Variants in MYT1L observed in about 807,000 individuals in gnomAD.
The protein encoded by MYT1L is myelin transcription factor 1 like, also known as myelin transcription factor 1-like protein.
A neutral mutation model predicts 126.7 loss-of-function variants in MYT1L; 12 were observed. The observed-to-expected ratio is 0.09, with a 90% CI of 0.06 to 0.15. MYT1L has a LOEUF of 0.15. Ranked by LOEUF, MYT1L falls within the 10% of genes least tolerant of loss-of-function variation. The pLI, the probability that MYT1L is intolerant of heterozygous loss-of-function variation, is 1.00. For synonymous variants in MYT1L, 541 were observed against 604.2 expected (o/e 0.90, Z 1.53); for missense variants, 979 against 1,585.2 (o/e 0.62, Z 6.49).
At chr2:2,092,717 C>T (rs1034522977) in intron 3 of MYT1L, among the ~76,000 whole-genome samples, 14 of 152,200 alleles carry the variant, frequency 9.2e-5, no homozygotes, top group African/African-American at 2.9e-4. Context: ...TCATAACACA[C>T]GTATTTTTCT....
chr2:1,802,559 A>G (rs528647755), intron 22 of MYT1L, among the ~76,000 whole-genome samples: 1 of 152,350 alleles, frequency 6.6e-6, no homozygotes, highest in African/African-American at 2.4e-5. Flanking sequence ...TGTGTACCTG[A>G]CCATCTGAGT....
chr2:1,969,452 G>C (rs2059640901), intron 8 of MYT1L, among the ~76,000 whole-genome samples: 1 of 152,208 alleles, frequency 6.6e-6, no homozygotes, highest in South Asian at 2.1e-4. Flanking sequence ...GGCAGCATCA[G>C]AATCAACCCT....
At chr2:2,122,631 T>G (rs2081185141) in intron 3 of MYT1L, among the ~76,000 whole-genome samples, 2 of 152,226 alleles carry the variant, frequency 1.3e-5, no homozygotes, top group Non-Finnish European at 2.9e-5. Flanking sequence ...AGCCATTACT[T>G]GGACATTGTT....
rs868820216 is a variant in MYT1L at position 2,199,872 on chromosome 2, C to T, written c.-420-26884G>A. Among the ~76,000 whole-genome samples the T allele has an allele frequency of 1.8e-4, 27 of 152,268 alleles. No individual in the cohort carries two copies. The East Asian group carries it at 3.7e-3, about 21-fold the overall frequency. ...GTACCCCTCACGGAGGCAGGCAGCA[C>T]GGACACCTCTGGGGAGGAACTTCTG... On this transcript the variant is annotated intron_variant, in intron 2 of 24. Transcript: ENST00000647738.
intron 3 of MYT1L, among the ~76,000 whole-genome samples, chr2:2,122,023 C>T (rs2081088049): frequency 6.6e-6 from 1 of 152,214 alleles, no homozygotes; most frequent in Non-Finnish European, 1.5e-5. Context: ...TCTTCCTACG[C>T]TCTTGTTAAA....
At chr2:2,075,473 G>A (rs1390715136) in intron 3 of MYT1L, among the ~76,000 whole-genome samples, 2 of 152,152 alleles carry the variant, frequency 1.3e-5, no homozygotes, top group African/African-American at 2.4e-5. Flanking sequence ...TAAGATGAAC[G>A]AGAGGTTTTG....
At chr2:2,203,436 G>A (rs943380602) in intron 2 of MYT1L, among the ~76,000 whole-genome samples, 4 of 150,308 alleles carry the variant, frequency 2.7e-5, no homozygotes, top group Non-Finnish European at 5.9e-5. Context: ...AAATCAATGT[G>A]CAAAAATCAC....
chr2:2,164,621 G>C (rs2088695402), intron 3 of MYT1L, among the ~76,000 whole-genome samples: 1 of 152,120 alleles, frequency 6.6e-6, no homozygotes, highest in Admixed American at 6.5e-5. Context: ...ATTGTCAGTT[G>C]ACCAACTATC....
intron 21 of MYT1L, chr2:1,824,746 G>T (rs533357827): frequency 1.3e-5 from 2 of 151,464 alleles, no homozygotes; most frequent in Non-Finnish European, 2.9e-5. Flanking sequence ...AGGAGAGAGA[G>T]GGGGAGGACT....
intron 22 of MYT1L, among the ~76,000 whole-genome samples, chr2:1,807,906 C>G (rs1297768645): frequency 1.3e-5 from 2 of 152,116 alleles, no homozygotes; most frequent in South Asian, 2.1e-4. Context: ...GTGGGAGGGA[C>G]CTGGTGGGAG....
chr2:2,314,173 T>C (rs942820235), intron 1 of MYT1L, among the ~76,000 whole-genome samples: 2 of 152,180 alleles, frequency 1.3e-5, no homozygotes, highest in Non-Finnish European at 2.9e-5. Context: ...GTTCAGATCA[T>C]AGAATGAAAT....
At chr2:1,994,078 A>G (rs1435465947) in intron 5 of MYT1L, among the ~76,000 whole-genome samples, 1 of 151,908 alleles carries the variant, frequency 6.6e-6, no homozygotes, top group Admixed American at 6.6e-5. Flanking sequence ...TTGTTTTTCT[A>G]TTTTGCTCAT....
intron 11 of MYT1L, among the ~76,000 whole-genome samples, chr2:1,916,123 C>T (rs921051604): frequency 1.3e-5 from 2 of 151,940 alleles, no homozygotes; most frequent in African/African-American, 4.8e-5. Flanking sequence ...CACAAGTTTG[C>T]TATTTTGAGG....
At chr2:2,303,946 C>T (rs2095823337) in intron 1 of MYT1L, 1 of 152,206 alleles carries the variant, frequency 6.6e-6, no homozygotes, top group South Asian at 2.1e-4. Context: ...GTTGTCCCAG[C>T]TGCGGGTAGT....
chr2:2,305,703 T>C (rs1290960622), intron 1 of MYT1L, among the ~76,000 whole-genome samples: 1 of 152,168 alleles, frequency 6.6e-6, no homozygotes, highest in Non-Finnish European at 1.5e-5. Context: ...AGAAACTTAC[T>C]ATCATGGTGG....
intron 1 of MYT1L, among the ~76,000 whole-genome samples, chr2:2,298,850 T>C (rs930465422): frequency 3.3e-5 from 5 of 152,238 alleles, no homozygotes; most frequent in Middle Eastern, 3.4e-3. Flanking sequence ...TTTATTTTTT[T>C]ATTTTATTAT....
At chr2:1,934,881 T>C (rs966095911) in intron 9 of MYT1L, among the ~76,000 whole-genome samples, 1 of 152,174 alleles carries the variant, frequency 6.6e-6, no homozygotes, top group African/African-American at 2.4e-5. Flanking sequence ...GAGATAAGAC[T>C]GTGAAAATTC....
chr2:1,829,007 C>G (rs928239878), intron 21 of MYT1L, among the ~76,000 whole-genome samples: 7 of 152,122 alleles, frequency 4.6e-5, no homozygotes, highest in Non-Finnish European at 8.8e-5. Flanking sequence ...AAAGGATGCT[C>G]AGGGCACTGC....
chr2:2,098,227 T>A (rs1470230207), intron 3 of MYT1L, among the ~76,000 whole-genome samples: 3 of 152,160 alleles, frequency 2.0e-5, no homozygotes, highest in Non-Finnish European at 2.9e-5. Flanking sequence ...TGCTTAGGCG[T>A]TCCTGTAGGC....
Sources: allele counts gnomAD v4.1 joint callset (sites outside exome capture counted in the v4.1 genomes callset), GRCh38; gene constraint gnomAD v4.1.1; transcripts MANE v1.5; gene names NCBI Gene and HGNC (gene_info 2026-07-23, HGNC 2026-07-21).